Variants in QPRT observed in about 807,000 individuals in gnomAD.
The protein encoded by QPRT is quinolinate phosphoribosyltransferase, also known as nicotinate-nucleotide pyrophosphorylase [carboxylating].
In QPRT, 17 loss-of-function variants were observed where a neutral mutation model predicts 19.8. That is an observed-to-expected ratio of 0.86 (90% confidence interval 0.59 to 1.29). QPRT has a LOEUF of 1.29. QPRT is among the 50% of genes most tolerant of loss of function. The pLI is 0.00. For synonymous variants in QPRT, 178 were observed against 191.0 expected (o/e 0.93, Z 0.56); for missense variants, 336 against 405.1 (o/e 0.83, Z 1.46).
At chr16:29,691,054 G>A (rs1475260335) in intron 1 of QPRT, among the ~76,000 whole-genome samples, 1 of 150,676 alleles carries the variant, frequency 6.6e-6, no homozygotes, top group Non-Finnish European at 1.5e-5. Context: ...TAAAAAATCA[G>A]CCTGAAAAAA....
In QPRT at chr16:29,694,535, C is replaced by T. The variant is rs1253987273; in HGVS notation, c.14-129C>T. ...CCCCCCTTCCTCACCGCAGTCCCCC[C>T]CCTGGGACCCCTAGATCTTGAGGCT... On this transcript the variant is annotated intron_variant, in intron 1 of 3. Transcript: ENST00000395384. The T allele has an allele frequency of 4.7e-6, 5 of 1,053,152 alleles. No homozygotes were observed. The South Asian group carries it at 9.0e-5, about 19-fold the overall frequency. The allele number at this position is 1,053,152 out of a possible 1,614,324, so 65.2% of individuals were successfully genotyped here. A position where few individuals can be genotyped will look rare whatever the true frequency, so the allele number is the denominator to read the frequency against.
chr16:29,684,571 T>C (rs1031818286), intron 1 of QPRT, among the ~76,000 whole-genome samples: 1 of 152,080 alleles, frequency 6.6e-6, no homozygotes, highest in Non-Finnish European at 1.5e-5. Flanking sequence ...ATGGTCTTGA[T>C]CTCCTGACCT....
At position 29,694,659 on chromosome 16, in the gene QPRT, C is replaced by G. The variant is rs1190306711; in HGVS notation, c.14-5C>G. 6.5e-7 allele frequency: 1 copy of G among 1,534,546 alleles called. No individual in the cohort carries two copies. The highest frequency in any genetic ancestry group is 1.4e-5 in the African/African-American group (1 of 72,626). ...AACTCAACAGCTGTTCTCTCTTCCCCCCAGGCCTGGCGCTGCTGCTGCCGC... is the reference window on the plus strand; with the variant it reads ...AACTCAACAGCTGTTCTCTCTTCCCGCCAGGCCTGGCGCTGCTGCTGCCGC... On this transcript the variant is annotated splice_region_variant and splice_polypyrimidine_tract_variant and intron_variant, in intron 1 of 3. Transcript: ENST00000395384.
Position 29,697,236 on chromosome 16 carries a change from T to A in QPRT, c.719T>A (p.Phe240Tyr). ...HPTATVLKAQ[F>Y]PSVAVEASGG... is the part of the protein sequence containing the mutation. ...ACGGCCACCGTGCTGAAGGCCCAGTTCCCGAGTGTGGCTGTGGAAGCCAGT... is the reference window on the plus strand; with the variant it reads ...ACGGCCACCGTGCTGAAGGCCCAGTACCCGAGTGTGGCTGTGGAAGCCAGT... The change falls in exon 4 of 4, where the codon TTC (phenylalanine) becomes TAC (tyrosine). Residue 240 changes from phenylalanine (F) to tyrosine (Y), a missense_variant. Phe to Tyr is a conservative substitution (Grantham distance 22). Transcript: ENST00000395384. The surrounding 1 kb of genome is among the most constrained non-coding windows in gnomAD (Gnocchi z 4.4). 6.2e-7 allele frequency: 1 copy of A among 1,613,820 alleles called. No individual in the cohort carries two copies. Among genetic ancestry groups the A allele is most frequent in the Non-Finnish European group, 8.5e-7 (1 of 1,179,876 alleles).
chr16:29,681,473 A>C (rs936382140), intron 1 of QPRT, among the ~76,000 whole-genome samples: 35 of 138,904 alleles, frequency 2.5e-4, no homozygotes, highest in African/African-American at 9.4e-4. Flanking sequence ...GAGATCCATA[A>C]TTTTCATCAG....
Position 29,697,124 on chromosome 16 carries a change from A to T in QPRT, c.678A>T (p.Pro226=). 1 of 1,604,746 alleles carries T rather than the reference A, an allele frequency of 6.2e-7. No homozygotes were observed. The highest frequency in any genetic ancestry group is 8.5e-7 in the Non-Finnish European group (1 of 1,173,376). Residue 226 remains proline (P), a synonymous_variant, in exon 3 of 4, where the codon CCA becomes CCT. Coordinates refer to ENST00000395384, the MANE Select transcript of QPRT (RefSeq NM_014298.6). The surrounding 1 kb of genome is among the most constrained non-coding windows in gnomAD (Gnocchi z 4.4). ...TTGTCCTGCTGGACAACTTCAAGCCAGAGGTAAGGTGGGCTCTGCCTCCGG... is the reference window on the plus strand; with the variant it reads ...TTGTCCTGCTGGACAACTTCAAGCCTGAGGTAAGGTGGGCTCTGCCTCCGG... ...ADLVLLDNFK[P]EELHPTATVL... is the part of the protein sequence containing the mutation.
chr16:29,684,398 C>T lies in QPRT; in HGVS notation c.13+5188C>T, dbSNP rs149489765. On this transcript the variant is annotated intron_variant, in intron 1 of 3. Transcript: ENST00000395384. ...GCAACCTCTGCCTCCCAGGTTCAAGCGATTCTCCTGCCTCAGCCTCCTGAG... is the reference window on the plus strand; with the variant it reads ...GCAACCTCTGCCTCCCAGGTTCAAGTGATTCTCCTGCCTCAGCCTCCTGAG... Among the ~76,000 whole-genome samples, 760 of 152,274 alleles carry T rather than the reference C, an allele frequency of 5.0e-3. 6 individuals carry two copies. The highest frequency in any genetic ancestry group is 0.017 in the African/African-American group (715 of 41,550).
intron 1 of QPRT, among the ~76,000 whole-genome samples, chr16:29,691,167 G>C (rs887800969): frequency 4.0e-5 from 6 of 151,176 alleles, no homozygotes; most frequent in East Asian, 2.0e-4. Context: ...GAGTTTGAGA[G>C]CAGCCTGGCC....
intron 1 of QPRT, among the ~76,000 whole-genome samples, chr16:29,688,835 C>T (rs1272447895): frequency 6.7e-6 from 1 of 149,838 alleles, no homozygotes; most frequent in Non-Finnish European, 1.5e-5. Context: ...GGCTGGAGTG[C>T]AATGGCGCGA....
intron 1 of QPRT, among the ~76,000 whole-genome samples, chr16:29,691,056 C>G (rs1967311123): frequency 6.7e-6 from 1 of 149,836 alleles, no homozygotes; most frequent in Non-Finnish European, 1.5e-5. Flanking sequence ...AAAAATCAGC[C>G]TGAAAAAAAA....
chr16:29,683,759 T>C (rs965736354), intron 1 of QPRT, among the ~76,000 whole-genome samples: 5 of 152,176 alleles, frequency 3.3e-5, no homozygotes, highest in Non-Finnish European at 7.3e-5. Flanking sequence ...CCAGAGATTC[T>C]GGTTCACTGG....
In QPRT at chr16:29,694,972, C is replaced by G. The variant is rs201291109; in HGVS notation, c.322C>G (p.Leu108Val). Residue 108 changes from leucine (L) to valine (V), a missense_variant, in exon 2 of 4, where the codon CTG becomes GTG. Physicochemically the swap from Leu to Val is conservative, Grantham distance 32. Coordinates refer to ENST00000395384, the MANE Select transcript of QPRT (RefSeq NM_014298.6). ...LLGERVALNT[L>V]ARCSGIASAA... is the part of the protein sequence containing the mutation. Reference sequence around the variant, plus strand: ...GGGGGAACGGGTGGCCCTCAACACGCTGGCCCGCTGCAGTGGCATTGCCAG... The same window carrying G: ...GGGGGAACGGGTGGCCCTCAACACGGTGGCCCGCTGCAGTGGCATTGCCAG... 1.7e-4 allele frequency: 276 copies of G among 1,608,236 alleles called. 1 individual carries two copies. Among genetic ancestry groups the G allele is most frequent in the Admixed American group, 1.7e-4 (10 of 59,930 alleles).
chr16:29,683,212 A>G (rs1402604780), intron 1 of QPRT, among the ~76,000 whole-genome samples: 1 of 151,418 alleles, frequency 6.6e-6, no homozygotes, highest in Non-Finnish European at 1.5e-5. Context: ...TTTTTAGTAG[A>G]GACAGCGCTT....
intron 1 of QPRT, among the ~76,000 whole-genome samples, chr16:29,686,207 C>T (rs1164395466): frequency 6.6e-6 from 1 of 152,132 alleles, no homozygotes; most frequent in Non-Finnish European, 1.5e-5. Context: ...CCAAATTCCT[C>T]AGCTAAATAG....
At chr16:29,682,890 A>G (rs1379739152) in intron 1 of QPRT, among the ~76,000 whole-genome samples, 1 of 152,124 alleles carries the variant, frequency 6.6e-6, no homozygotes, top group Non-Finnish European at 1.5e-5. Flanking sequence ...AGTATGTTTT[A>G]AGAGTCTTTG....
chr16:29,682,010 G>A (rs1335022119), intron 1 of QPRT, among the ~76,000 whole-genome samples: 1 of 151,744 alleles, frequency 6.6e-6, no homozygotes, highest in Non-Finnish European at 1.5e-5. Flanking sequence ...TTACAGGTGT[G>A]AGCCACCGCA....
At chr16:29,679,129 C>G (rs1966913666), upstream of QPRT, 1 of 1,613,656 alleles carries the variant, frequency 6.2e-7, no homozygotes. Flanking sequence ...GTCCCACCCC[C>G]AGCCTGGGGC....
At chr16:29,684,896 G>A (rs1325014290) in intron 1 of QPRT, among the ~76,000 whole-genome samples, 1 of 152,176 alleles carries the variant, frequency 6.6e-6, no homozygotes, top group African/African-American at 2.4e-5. Context: ...AGGGGAACAG[G>A]GGTGCCCGCG....
At chr16:29,688,964 A>G (rs1169674960) in intron 1 of QPRT, among the ~76,000 whole-genome samples, 1 of 149,864 alleles carries the variant, frequency 6.7e-6, no homozygotes, top group Non-Finnish European at 1.5e-5. Context: ...TATTTTTAGG[A>G]GAGACGGGGT....
Sources: allele counts gnomAD v4.1 joint callset (sites outside exome capture counted in the v4.1 genomes callset), GRCh38; gene constraint gnomAD v4.1.1; non-coding constraint Gnocchi (gnomAD v3.1); transcripts MANE v1.5; gene names NCBI Gene and HGNC (gene_info 2026-07-23, HGNC 2026-07-21).